Variants in CEP63 observed in about 807,000 individuals in gnomAD.
CEP63 encodes the protein centrosomal protein of 63 kDa.
In CEP63, 84 loss-of-function variants were observed where a neutral mutation model predicts 89.1. The observed-to-expected ratio is 0.94, with a 90% CI of 0.79 to 1.13. The LOEUF (loss-of-function observed/expected upper bound fraction) is 1.13, where lower values mean the gene tolerates loss of function less well. CEP63 is among the 50% of genes most tolerant of loss of function. CEP63 has a pLI of 0.00. For missense variants in CEP63, 838 were observed against 813.3 expected (o/e 1.03, Z -0.37); for synonymous variants, 267 against 272.5 (o/e 0.98, Z 0.20).
At chr3:134,488,412 G>T (rs556725368) in intron 1 of CEP63, among the ~76,000 whole-genome samples, 19 of 152,210 alleles carry the variant, frequency 1.2e-4, no homozygotes, top group African/African-American at 4.3e-4. Flanking sequence ...TTTGAGACCA[G>T]TGTGGCCAAC....
the CEP63 span, chr3:134,608,372 C>T: frequency 7.3e-7 from 1 of 1,378,260 alleles, no homozygotes; most frequent in Non-Finnish European, 9.5e-7. Context: ...TTCTAGGAAA[C>T]CTGCAGCCTT....
the CEP63 span, among the ~76,000 whole-genome samples, chr3:134,678,170 G>A: frequency 1.3e-5 from 2 of 152,124 alleles, no homozygotes; most frequent in Admixed American, 1.3e-4. Flanking sequence ...GCTGCTTGTT[G>A]GTAGCCACAG....
Position 134,564,193 on chromosome 3 carries a change from T to A in CEP63, c.*2658T>A, listed in dbSNP as rs1957590238. The A allele has an allele frequency of 1.1e-6, 1 of 942,318 alleles. No homozygotes were observed. The highest frequency in any genetic ancestry group is 1.3e-6 in the Non-Finnish European group (1 of 790,658). 58.4% of individuals were successfully genotyped at this position (942,318 alleles called of 1,614,324 possible). On this transcript the variant is annotated 3_prime_UTR_variant, in exon 15 of 15. Transcript: ENST00000675561. ...TCTCTGGTTCATGGTGGGATCCTCA[T>A]CACCCAGCACAAGCCCAACACTTAG...
chr3:134,685,901 A>G, the CEP63 span, among the ~76,000 whole-genome samples: 1 of 152,172 alleles, frequency 6.6e-6, no homozygotes, highest in Non-Finnish European at 1.5e-5. Context: ...CTCTCCCAGA[A>G]TTTGTCTGCC....
chr3:134,685,628 C>A, the CEP63 span, among the ~76,000 whole-genome samples: 8 of 152,294 alleles, frequency 5.3e-5, no homozygotes, highest in African/African-American at 1.9e-4. Flanking sequence ...ATGATGCCAC[C>A]CTTTTCTTAG....
the CEP63 span, among the ~76,000 whole-genome samples, chr3:134,756,529 T>A: frequency 6.6e-6 from 1 of 151,600 alleles, no homozygotes; most frequent in Non-Finnish European, 1.5e-5. Context: ...AGTTTTTGTA[T>A]TTTTTTTAGA....
At chr3:134,603,671 C>T in the CEP63 span, 2 of 1,613,758 alleles carry the variant, frequency 1.2e-6, no homozygotes, top group East Asian at 4.5e-5. Context: ...TGGCAGCCAG[C>T]TGTGCTGCAG....
the CEP63 span, among the ~76,000 whole-genome samples, chr3:134,705,542 G>T: frequency 6.6e-6 from 1 of 152,220 alleles, no homozygotes; most frequent in Non-Finnish European, 1.5e-5. Context: ...TGGTGGGGAT[G>T]AACCTTCTCC....
intron 2 of CEP63, among the ~76,000 whole-genome samples, chr3:134,496,065 T>G (rs1576739925): frequency 6.6e-6 from 1 of 152,370 alleles, no homozygotes; most frequent in Non-Finnish European, 1.5e-5. Context: ...CACATACTGA[T>G]TTCCTTTCCT....
the CEP63 span, among the ~76,000 whole-genome samples, chr3:134,700,531 C>A: frequency 2.6e-5 from 4 of 152,272 alleles, no homozygotes; most frequent in East Asian, 7.7e-4. Flanking sequence ...TTTCTACCAC[C>A]CTTATACTGT....
At chr3:134,571,311 C>T (rs1015672585) in intron 11 of CEP63, among the ~76,000 whole-genome samples, 2 of 152,172 alleles carry the variant, frequency 1.3e-5, no homozygotes, top group African/African-American at 4.8e-5. Context: ...AGGTTCTTTA[C>T]CTTCTGTGTG....
chr3:134,575,079 A>G (rs1958166413), downstream of CEP63: 2 of 385,514 alleles, frequency 5.2e-6, no homozygotes, highest in Non-Finnish European at 9.2e-6. Flanking sequence ...CACTAAAAAC[A>G]TCAGGAATTT....
chr3:134,530,820 T>C (rs922305598), intron 3 of CEP63, among the ~76,000 whole-genome samples: 1 of 152,252 alleles, frequency 6.6e-6, no homozygotes, highest in Non-Finnish European at 1.5e-5. Flanking sequence ...CATTTAGTCC[T>C]CATTCTTATA....
At chr3:134,668,872 C>T in the CEP63 span, among the ~76,000 whole-genome samples, 1 of 152,192 alleles carries the variant, frequency 6.6e-6, no homozygotes, top group Non-Finnish European at 1.5e-5. Context: ...ACTACCTCCA[C>T]CACCTTCACT....
chr3:134,685,026 A>G, the CEP63 span, among the ~76,000 whole-genome samples: 5 of 152,286 alleles, frequency 3.3e-5, no homozygotes, highest in African/African-American at 9.6e-5. Context: ...GGTAGACATT[A>G]TAGTGTGTTT....
chr3:134,731,359 A>G, the CEP63 span, among the ~76,000 whole-genome samples: 184 of 152,330 alleles, frequency 1.2e-3, no homozygotes, highest in Middle Eastern at 0.014. Context: ...ACCAAAAAAT[A>G]GTTCATTAAT....
chr3:134,547,700 TC>T, intron 9 of CEP63, among the ~76,000 whole-genome samples: 1 of 144,530 alleles, frequency 6.9e-6, no homozygotes, highest in South Asian at 2.2e-4. Flanking sequence ...AACCTCCGCC[TC>T]CCGGTTCAAT....
chr3:134,669,090 G>T, the CEP63 span, among the ~76,000 whole-genome samples: 1 of 152,038 alleles, frequency 6.6e-6, no homozygotes, highest in African/African-American at 2.4e-5. Flanking sequence ...TGGCATGGTG[G>T]TCACTGCTCA....
At chr3:134,661,092 T>C in the CEP63 span, among the ~76,000 whole-genome samples, 1 of 152,200 alleles carries the variant, frequency 6.6e-6, no homozygotes, top group Non-Finnish European at 1.5e-5. Context: ...ATGAAAATTG[T>C]GATTTGGGAG....
Sources: allele counts gnomAD v4.1 joint callset (sites outside exome capture counted in the v4.1 genomes callset), GRCh38; gene constraint gnomAD v4.1.1; transcripts MANE v1.5; gene names NCBI Gene and HGNC (gene_info 2026-07-23, HGNC 2026-07-21).